Variants in ZBED6 observed in about 807,000 individuals in gnomAD.
ZBED6 encodes the protein zinc finger BED domain-containing protein 6.
ZBED6 carries 40 observed loss-of-function variants against 58.4 expected under a neutral mutation model. That is an observed-to-expected ratio of 0.68 (90% CI 0.53 to 0.89). The LOEUF (loss-of-function observed/expected upper bound fraction) is 0.89. Among genes scored for constraint, ZBED6 ranks in the 40% least tolerant of loss-of-function variants. ZBED6 has a pLI of 0.00. For synonymous variants in ZBED6, 439 were observed against 350.6 expected, an observed-to-expected ratio of 1.25 and a Z score of -2.82; for missense variants, 1,057 against 1,003.9, an observed-to-expected ratio of 1.05 and a Z score of -0.71.
intron 7 of ZBED6, among the ~76,000 whole-genome samples, chr1:203,830,780 G>C (rs1486777635): frequency 6.6e-6 from 1 of 151,928 alleles, no homozygotes; most frequent in Non-Finnish European, 1.5e-5. Flanking sequence ...TTGTATTCCA[G>C]CCTGGCGACA....
chr1:203,845,109 G>A lies in ZBED6; in HGVS notation c.*3742-2075G>A, dbSNP rs558715304. Among the ~76,000 whole-genome samples, 3 of 152,110 alleles carry A rather than the reference G, an allele frequency of 2.0e-5. No homozygotes were observed. The East Asian group carries it at 5.8e-4, about 29-fold the overall frequency. ...CTGTATTGGGAGGAACAGAACTCACGCCTATGGTTTTAACTATTATTTTTC... is the reference window on the plus strand; with the variant it reads ...CTGTATTGGGAGGAACAGAACTCACACCTATGGTTTTAACTATTATTTTTC... On this transcript the variant is annotated intron_variant, in intron 11 of 16. Coordinates refer to ENST00000550078, the Ensembl canonical transcript of ZBED6.
At chr1:203,805,812 G>T in intron 1 of ZBED6, 1 of 833,618 alleles carries the variant, frequency 1.2e-6, no homozygotes, top group Non-Finnish European at 2.0e-6. Context: ...ATTCTGGGCC[G>T]CCATAACTGC....
exon 1 of ZBED6, chr1:203,800,612 A>AAT: frequency 1.5e-6 from 1 of 652,452 alleles, no homozygotes; most frequent in Non-Finnish European, 2.3e-6. Flanking sequence ...AGGCAATATA[A>AAT]TTTTGATAAA....
At chr1:203,809,770 A>T (rs1418449700) in intron 1 of ZBED6, among the ~76,000 whole-genome samples, 1 of 152,088 alleles carries the variant, frequency 6.6e-6, no homozygotes, top group Non-Finnish European at 1.5e-5. Flanking sequence ...TCTGGCCAAC[A>T]TGGTGAAACC....
At position 203,849,109 on chromosome 1, in the gene ZBED6, T is replaced by G. The variant is rs539018699; in HGVS notation, c.*4323-602T>G. Reference sequence around the variant, plus strand: ...CATGTTGTCCAGAGTGGTCTCGAACTTCTGGCTTCAAGTGATCTGCCTGCC... The same window carrying G: ...CATGTTGTCCAGAGTGGTCTCGAACGTCTGGCTTCAAGTGATCTGCCTGCC... On this transcript the variant is annotated intron_variant, in intron 13 of 16. Transcript: ENST00000550078. Among the ~76,000 whole-genome samples, 3 of 152,354 alleles carry G rather than the reference T, an allele frequency of 2.0e-5. No homozygotes were observed. In the South Asian group the frequency reaches 6.2e-4, roughly 32 times the overall value.
intron 2 of ZBED6, 140 bp downstream of exon 2, chr1:203,817,264 G>T: frequency 3.3e-6 from 2 of 604,568 alleles, no homozygotes; most frequent in Non-Finnish European, 5.5e-6. Context: ...GTTTTTTAAA[G>T]GATAATGTAT....
rs1340331344 is a variant in ZBED6, at chr1:203,828,281, T to G, written c.*2874-18T>G. On this transcript the variant is annotated intron_variant, in intron 3 of 16. Coordinates refer to ENST00000550078, the Ensembl canonical transcript of ZBED6. ...ATCACTGTTTTATTTGAAAGCAATG[T>G]GTTTTTCCCTCTTACAGAAAAAACG... 6.2e-7 allele frequency: 1 copy of G among 1,613,942 alleles called. No homozygotes were observed. Among genetic ancestry groups the G allele is most frequent in the Admixed American group, 1.7e-5 (1 of 60,020 alleles).
intron 3 of ZBED6, among the ~76,000 whole-genome samples, chr1:203,823,132 A>T (rs949490338): frequency 6.6e-6 from 1 of 152,174 alleles, no homozygotes; most frequent in Non-Finnish European, 1.5e-5. Context: ...CACAGCTCCT[A>T]TGGAGGGTAT....
chr1:203,839,845 C>A (rs1171264460), intron 10 of ZBED6, among the ~76,000 whole-genome samples: 1 of 152,010 alleles, frequency 6.6e-6, no homozygotes, highest in Non-Finnish European at 1.5e-5. Context: ...ACTCTGTCAC[C>A]CAGACTGGAG....
intron 1 of ZBED6, chr1:203,805,965 G>T: frequency 1.6e-6 from 1 of 609,480 alleles, no homozygotes; most frequent in East Asian, 4.0e-5. Context: ...CCGTGGTCTT[G>T]GTATCCTTCA....
chr1:203,810,569 A>G (rs11240549), intron 1 of ZBED6, among the ~76,000 whole-genome samples: 149,378 of 151,766 alleles, frequency 0.98, 73,554 homozygotes, highest in East Asian at 1. Context: ...ACAGGCGCCC[A>G]CCACCACGCC....
exon 1 of ZBED6, chr1:203,797,411 C>T: frequency 9.5e-7 from 1 of 1,050,526 alleles, no homozygotes; most frequent in Admixed American, 3.4e-5. Context: ...GAATTTGATT[C>T]CCCATAGAAA....
At chr1:203,832,115 A>G (rs180806511) in intron 8 of ZBED6, among the ~76,000 whole-genome samples, 1,621 of 152,216 alleles carry the variant, frequency 0.011, 21 homozygotes, top group African/African-American at 0.037. Flanking sequence ...CTGGAGTGCA[A>G]TGGCATGATC....
intron 1 of ZBED6, among the ~76,000 whole-genome samples, chr1:203,814,460 G>T (rs952529930): frequency 2.6e-5 from 4 of 152,060 alleles, no homozygotes; most frequent in Admixed American, 2.6e-4. Context: ...GGAGGCAGAG[G>T]TTGCAGTGAG....
At chr1:203,844,800 T>C (rs765253971) in intron 11 of ZBED6, among the ~76,000 whole-genome samples, 35 of 152,088 alleles carry the variant, frequency 2.3e-4, no homozygotes, top group Non-Finnish European at 4.9e-4. Flanking sequence ...ACTTCTTTCC[T>C]TTTTCAGATT....
intron 1 of ZBED6, among the ~76,000 whole-genome samples, chr1:203,805,350 C>T (rs1444011869): frequency 6.6e-6 from 1 of 152,010 alleles, no homozygotes; most frequent in Admixed American, 6.6e-5. Flanking sequence ...CCAGGCTGGT[C>T]TCGAACTTCT....
At chr1:203,815,211 C>CTTTCTTTTTTTTTTTTTTT (rs779729339) in intron 1 of ZBED6, among the ~76,000 whole-genome samples, 1 of 59,424 alleles carries the variant, frequency 1.7e-5, no homozygotes, top group African/African-American at 4.8e-5. Flanking sequence ...TCTTCCTTTT[C>CTTTCTTTTTTTTTTTTTTT]TTTTCTTTTT....
At chr1:203,828,468 T>C (rs1681265332) in intron 4 of ZBED6, 46 bp downstream of exon 4, 2 of 1,559,694 alleles carry the variant, frequency 1.3e-6, no homozygotes, top group Admixed American at 1.9e-5. Flanking sequence ...TGAACACCTA[T>C]TATGCACACT....
chr1:203,840,660 T>C (rs1685834337), intron 11 of ZBED6, among the ~76,000 whole-genome samples: 1 of 151,568 alleles, frequency 6.6e-6, no homozygotes, highest in Non-Finnish European at 1.5e-5. Flanking sequence ...TGAGACAGAG[T>C]TTTGCTCTTG....
Sources: allele counts gnomAD v4.1 joint callset (sites outside exome capture counted in the v4.1 genomes callset), GRCh38; gene constraint gnomAD v4.1.1; transcripts MANE v1.5; gene names NCBI Gene and HGNC (gene_info 2026-07-23, HGNC 2026-07-21).